Variants in NTM observed in about 807,000 individuals in gnomAD.
NTM encodes IgLON family member 2.
A neutral mutation model predicts 42.1 loss-of-function variants in NTM; 13 were observed. That is an observed-to-expected ratio of 0.31 (90% confidence interval 0.20 to 0.49). The LOEUF (loss-of-function observed/expected upper bound fraction) is 0.49, where lower values mean the gene tolerates loss of function less well. NTM is among the 20% of genes least tolerant of loss of function. The pLI is 0.99. For missense variants in NTM, 373 were observed against 452.8 expected (o/e 0.82, Z 1.60); for synonymous variants, 187 against 179.2 (o/e 1.04, Z -0.35).
intron 4 of NTM, among the ~76,000 whole-genome samples, chr11:132,285,616 C>T (rs1405053246): frequency 6.6e-6 from 1 of 152,162 alleles, no homozygotes; most frequent in Non-Finnish European, 1.5e-5. Context: ...ATCACTTTTT[C>T]TCCATGAGTT....
chr11:131,801,584 T>G (rs2092114726), intron 1 of NTM, among the ~76,000 whole-genome samples: 1 of 152,172 alleles, frequency 6.6e-6, no homozygotes, highest in African/African-American at 2.4e-5. Flanking sequence ...TTCAAGCACC[T>G]TAGCACCTTT....
At chr11:131,941,531 C>T (rs1273317212) in intron 2 of NTM, among the ~76,000 whole-genome samples, 1 of 152,160 alleles carries the variant, frequency 6.6e-6, no homozygotes, top group Non-Finnish European at 1.5e-5. Context: ...TTGTCTGTCT[C>T]TCCCCTGGAA....
intron 2 of NTM, among the ~76,000 whole-genome samples, chr11:131,946,215 G>T (rs995547111): frequency 6.7e-6 from 1 of 148,448 alleles, no homozygotes; most frequent in Non-Finnish European, 1.5e-5. Flanking sequence ...GGGGAGACGT[G>T]GGGGAATGGA....
chr11:131,831,940 T>A (rs151293365), intron 1 of NTM, among the ~76,000 whole-genome samples: 13,015 of 147,610 alleles, frequency 0.088, 719 homozygotes, highest in Middle Eastern at 0.14. Context: ...TATGTAATTA[T>A]ATATATAATA....
At chr11:131,459,854 G>T (rs766740287) in intron 1 of NTM, among the ~76,000 whole-genome samples, 38 of 152,152 alleles carry the variant, frequency 2.5e-4, no homozygotes, top group Non-Finnish European at 4.6e-4. Flanking sequence ...CTGATTCAAG[G>T]CTGGGGTGGA....
Position 131,750,870 on chromosome 11 carries a change from G to A in NTM, c.83-160694G>A, listed in dbSNP as rs549267578. Among the ~76,000 whole-genome samples, 17 of 152,134 alleles carry A rather than the reference G, an allele frequency of 1.1e-4. No individual in the cohort carries two copies. In the East Asian group the frequency reaches 2.5e-3, roughly 23 times the overall value. ...GGCCTTGTGGAGCTCTGTGGTGTCC[G>A]GGGATGCCTGCTCTCTCTCCTCACC... On this transcript the variant is annotated intron_variant, in intron 1 of 8. Transcript: ENST00000683400.
chr11:131,719,681 A>T (rs1459397484), intron 1 of NTM, among the ~76,000 whole-genome samples: 1 of 152,142 alleles, frequency 6.6e-6, no homozygotes, highest in East Asian at 1.9e-4. Context: ...CTAAGTGTGG[A>T]GGCATTTATG....
At chr11:131,875,394 T>C (rs1172478774) in intron 1 of NTM, among the ~76,000 whole-genome samples, 1 of 152,230 alleles carries the variant, frequency 6.6e-6, no homozygotes, top group Non-Finnish European at 1.5e-5. Context: ...GGACCTGGTA[T>C]TTAATATGGT....
chr11:131,933,663 A>G (rs375068262), intron 2 of NTM, among the ~76,000 whole-genome samples: 13 of 151,890 alleles, frequency 8.6e-5, no homozygotes, highest in African/African-American at 2.7e-4. Flanking sequence ...CTCTTCCTGG[A>G]AAGACTCTAT....
At chr11:131,804,538 G>T (rs916711503) in intron 1 of NTM, among the ~76,000 whole-genome samples, 1 of 152,078 alleles carries the variant, frequency 6.6e-6, no homozygotes, top group Non-Finnish European at 1.5e-5. Flanking sequence ...CTGGATCAGC[G>T]TTCCTTTTCC....
chr11:131,961,265 G>C (rs1265459567), intron 2 of NTM, among the ~76,000 whole-genome samples: 1 of 152,194 alleles, frequency 6.6e-6, no homozygotes, highest in Non-Finnish European at 1.5e-5. Flanking sequence ...GCAGGAAAGA[G>C]ATGATCCCTT....
chr11:131,412,964 C>T (rs1946579228), intron 1 of NTM, among the ~76,000 whole-genome samples: 1 of 152,080 alleles, frequency 6.6e-6, no homozygotes, highest in Non-Finnish European at 1.5e-5. Context: ...TTACTGAGGT[C>T]TTAGGGCAAA....
intron 2 of NTM, 86 bp downstream of exon 2, chr11:131,911,734 T>C: frequency 6.5e-7 from 1 of 1,539,254 alleles, no homozygotes; most frequent in South Asian, 1.2e-5. Flanking sequence ...CACTGAGGCG[T>C]GCCTGGGTTG....
At chr11:132,205,182 G>A (rs1181919244) in intron 3 of NTM, among the ~76,000 whole-genome samples, 1 of 152,190 alleles carries the variant, frequency 6.6e-6, no homozygotes, top group Non-Finnish European at 1.5e-5. Flanking sequence ...AACCCCCACT[G>A]CCAGCCAAGG....
chr11:132,109,056 A>G (rs1013656367), intron 2 of NTM, among the ~76,000 whole-genome samples: 2 of 152,192 alleles, frequency 1.3e-5, no homozygotes, highest in African/African-American at 4.8e-5. Flanking sequence ...ATGGCTGCAT[A>G]GTGTTCCATG....
chr11:131,491,730 G>C (rs995078851), intron 1 of NTM, among the ~76,000 whole-genome samples: 11 of 152,158 alleles, frequency 7.2e-5, no homozygotes, highest in African/African-American at 2.7e-4. Context: ...GAGGATACCA[G>C]AGCGAGATAA....
At chr11:132,019,856 T>G (rs1322960779) in intron 2 of NTM, among the ~76,000 whole-genome samples, 2 of 150,720 alleles carry the variant, frequency 1.3e-5, no homozygotes, top group Admixed American at 6.6e-5. Context: ...ATTTATTTGG[T>G]TTTTTTTTCA....
intron 1 of NTM, among the ~76,000 whole-genome samples, chr11:131,484,794 G>A (rs1230417384): frequency 1.3e-5 from 2 of 152,102 alleles, no homozygotes; most frequent in African/African-American, 4.8e-5. Context: ...TACCTCCTAA[G>A]CATCTTCTAT....
At chr11:131,893,883 A>C (rs1338907727) in intron 1 of NTM, among the ~76,000 whole-genome samples, 4 of 152,190 alleles carry the variant, frequency 2.6e-5, no homozygotes, top group Admixed American at 6.5e-5. Flanking sequence ...AACCATGATC[A>C]AAGATAGTAA....
Sources: allele counts gnomAD v4.1 joint callset (sites outside exome capture counted in the v4.1 genomes callset), GRCh38; gene constraint gnomAD v4.1.1; transcripts MANE v1.5; gene names NCBI Gene and HGNC (gene_info 2026-07-23, HGNC 2026-07-21).